The following EFCAB13 variants were observed in gnomAD, a reference collection of about 807,000 sequenced individuals.
EFCAB13 encodes the protein EF-hand calcium-binding domain-containing protein 13.
A neutral mutation model predicts 110.2 loss-of-function variants in EFCAB13; 91 were observed. The ratio of observed to expected loss-of-function variants is 0.83; its 90% CI spans 0.70 to 0.98. EFCAB13 has a LOEUF of 0.98. EFCAB13 is among the 50% of genes least tolerant of loss of function. The pLI is 0.00. For missense variants in EFCAB13, 968 were observed against 1,119.4 expected (o/e 0.86, Z 1.93); for synonymous variants, 323 against 369.9 (o/e 0.87, Z 1.45).
At chr17:47,332,578 A>AC (rs1567779023) in intron 4 of EFCAB13, among the ~76,000 whole-genome samples, 1 of 140,764 alleles carries the variant, frequency 7.1e-6, no homozygotes, top group African/African-American at 2.7e-5. Context: ...AAACCTCTCC[A>AC]CCCCCCAGCC....
chr17:47,398,805 C>T (rs951291186), intron 17 of EFCAB13, among the ~76,000 whole-genome samples: 2 of 151,234 alleles, frequency 1.3e-5, no homozygotes, highest in East Asian at 1.9e-4. Context: ...GTCCTATGAC[C>T]GTGCCAAATC....
intron 9 of EFCAB13, among the ~76,000 whole-genome samples, chr17:47,351,304 T>TGTGTGTGTGTGTGTGTGTGTGTGC (rs1280645583): frequency 8.1e-6 from 1 of 122,980 alleles, no homozygotes; most frequent in Non-Finnish European, 1.9e-5. Flanking sequence ...TGTGTGTGTG[T>TGTGTGTGTGTGTGTGTGTGTGTGC]GCGCGCGCGC....
At chr17:47,420,883 G>A (rs531712782) in intron 23 of EFCAB13, among the ~76,000 whole-genome samples, 34 of 99,702 alleles carry the variant, frequency 3.4e-4, no homozygotes, top group South Asian at 2.2e-3. Flanking sequence ...CCCCCCGCCC[G>A]GCCAGCCGCC....
intron 9 of EFCAB13, among the ~76,000 whole-genome samples, chr17:47,358,334 A>T (rs974914836): frequency 1.1e-4 from 16 of 152,184 alleles, no homozygotes; most frequent in Non-Finnish European, 1.6e-4. Context: ...AATAAAAGGG[A>T]AAAATGCAAA....
intron 23 of EFCAB13, among the ~76,000 whole-genome samples, chr17:47,425,108 T>C (rs1291390104): frequency 2.0e-5 from 3 of 150,926 alleles, no homozygotes; most frequent in African/African-American, 7.3e-5. Context: ...GGTCTCGATC[T>C]CCTGACCTCG....
chr17:47,422,008 T>C (rs1442867349), intron 23 of EFCAB13, among the ~76,000 whole-genome samples: 1 of 152,174 alleles, frequency 6.6e-6, no homozygotes, highest in Non-Finnish European at 1.5e-5. Context: ...GGGCACCAAA[T>C]TATAATTCAG....
intron 15 of EFCAB13, among the ~76,000 whole-genome samples, chr17:47,392,115 G>A (rs1412442175): frequency 6.6e-6 from 1 of 152,060 alleles, no homozygotes; most frequent in Non-Finnish European, 1.5e-5. Context: ...GTTGACGCTA[G>A]AGATAGTATA....
At chr17:47,383,482 T>G (rs1403937468) in intron 14 of EFCAB13, among the ~76,000 whole-genome samples, 1 of 152,214 alleles carries the variant, frequency 6.6e-6, no homozygotes, top group Non-Finnish European at 1.5e-5. Flanking sequence ...ACATTGTGTC[T>G]TTGTTCTCAT....
In EFCAB13 at chr17:47,440,469, T is replaced by C. The variant is rs1905298545; in HGVS notation, c.2677T>C (p.Leu893=). The C allele has an allele frequency of 6.2e-7, 1 of 1,604,480 alleles. No homozygotes were observed. Among genetic ancestry groups the C allele is most frequent in the Admixed American group, 1.7e-5 (1 of 57,740 alleles). Reference sequence around the variant, plus strand: ...TAGCATTCAAGAATTTATGACTAAATTATCCGATATATTGACAATTCCTAA... The same window carrying C: ...TAGCATTCAAGAATTTATGACTAAACTATCCGATATATTGACAATTCCTAA... ...KVSIQEFMTK[L]SDILTIPKAA... The change falls in exon 25 of 25, where the codon TTA becomes CTA. Residue 893 remains leucine (L), a synonymous_variant. Transcript: ENST00000331493.
chr17:47,362,401 C>T (rs1182120844), intron 10 of EFCAB13, among the ~76,000 whole-genome samples: 1 of 152,098 alleles, frequency 6.6e-6, no homozygotes, highest in East Asian at 1.9e-4. Context: ...GTAATGCCAG[C>T]GTCTGGGAAG....
In EFCAB13 at chr17:47,431,324, G is replaced by T. The variant is rs1905112383; in HGVS notation, c.2638+1363G>T. Among the ~76,000 whole-genome samples, 1 of 148,644 alleles carries T rather than the reference G, an allele frequency of 6.7e-6. No homozygotes were observed. Among genetic ancestry groups the T allele is most frequent in the Non-Finnish European group, 1.5e-5 (1 of 67,328 alleles). On this transcript the variant is annotated intron_variant, in intron 24 of 24. Coordinates refer to ENST00000331493, the MANE Select transcript of EFCAB13 (RefSeq NM_152347.5). The surrounding 1 kb of genome is among the most constrained non-coding windows in gnomAD (Gnocchi z 4.1). The stretch of plus-strand genomic sequence containing the variant: ...CTCTTTTTTTTCCTTTTTTCAGTCA[G>T]CTTCCCTAGGGTGAATATATCCCAA...
At chr17:47,407,563 C>G (rs1342341774) in intron 20 of EFCAB13, among the ~76,000 whole-genome samples, 1 of 151,980 alleles carries the variant, frequency 6.6e-6, no homozygotes, top group Admixed American at 6.6e-5. Context: ...TTGGACTCCA[C>G]GAAAGAAAAT....
At chr17:47,398,567 C>T (rs1400269937) in intron 17 of EFCAB13, among the ~76,000 whole-genome samples, 1 of 151,826 alleles carries the variant, frequency 6.6e-6, no homozygotes, top group Non-Finnish European at 1.5e-5. Context: ...ACCCTGTGCT[C>T]TCTGAATCAT....
chr17:47,408,955 T>G (rs2065819684), intron 20 of EFCAB13, among the ~76,000 whole-genome samples: 1 of 152,196 alleles, frequency 6.6e-6, no homozygotes, highest in Non-Finnish European at 1.5e-5. Flanking sequence ...AAAGTACTTT[T>G]TATAGGTTAT....
Position 47,412,760 on chromosome 17 carries a change from T to G in EFCAB13, c.2279-13T>G. 1 of 1,608,740 alleles carries G rather than the reference T, an allele frequency of 6.2e-7. No individual in the cohort carries two copies. Among genetic ancestry groups the G allele is most frequent in the Non-Finnish European group, 8.5e-7 (1 of 1,177,348 alleles). On this transcript the variant is annotated splice_polypyrimidine_tract_variant and intron_variant, in intron 21 of 24. Transcript: ENST00000331493. ...TTTACACCATAATAGCTTGTGTACA[T>G]TTATCTTTGTAGAGATTAAAGAAGC...
chr17:47,347,573 C>T (rs1302851328), intron 8 of EFCAB13, among the ~76,000 whole-genome samples: 1 of 152,128 alleles, frequency 6.6e-6, no homozygotes, highest in Non-Finnish European at 1.5e-5. Context: ...GAAGCCTTTG[C>T]CTATGTGCCC....
At chr17:47,352,700 G>A (rs1175530437) in intron 9 of EFCAB13, among the ~76,000 whole-genome samples, 1 of 152,130 alleles carries the variant, frequency 6.6e-6, no homozygotes, top group Non-Finnish European at 1.5e-5. Context: ...ATGATATTAA[G>A]TTTTTGATCC....
chr17:47,383,986 G>A (rs142559134), intron 14 of EFCAB13, among the ~76,000 whole-genome samples: 16 of 152,054 alleles, frequency 1.1e-4, no homozygotes, highest in African/African-American at 2.4e-4. Flanking sequence ...ATCTTTGTAC[G>A]TCTCAAAGAA....
intron 16 of EFCAB13, among the ~76,000 whole-genome samples, chr17:47,395,371 T>G (rs2065731518): frequency 6.6e-6 from 1 of 152,218 alleles, no homozygotes. Context: ...AAATTTGTAG[T>G]AAGATAATTG....
Sources: allele counts gnomAD v4.1 joint callset (sites outside exome capture counted in the v4.1 genomes callset), GRCh38; gene constraint gnomAD v4.1.1; non-coding constraint Gnocchi (gnomAD v3.1); transcripts MANE v1.5; gene names NCBI Gene and HGNC (gene_info 2026-07-23, HGNC 2026-07-21).